The following CDH18 variants were observed in gnomAD, a reference collection of about 807,000 sequenced individuals.
CDH18 encodes cadherin 18.
A neutral mutation model predicts 67.9 loss-of-function variants in CDH18; 31 were observed. The ratio of observed to expected loss-of-function variants is 0.46; its 90% CI spans 0.34 to 0.62. The LOEUF is 0.62. CDH18 is among the 20% of genes least tolerant of loss of function. CDH18 has a pLI of 0.01. For missense variants in CDH18, 890 were observed against 975.5 expected (o/e 0.91, Z 1.17); for synonymous variants, 362 against 347.2 (o/e 1.04, Z -0.48).
chr5:20,168,750 C>A (rs941012262), intron 2 of CDH18, among the ~76,000 whole-genome samples: 1 of 152,058 alleles, frequency 6.6e-6, no homozygotes, highest in Non-Finnish European at 1.5e-5. Context: ...AAGTGTCCAT[C>A]AACAGATGAA....
At position 19,552,423 on chromosome 5, in the gene CDH18, C is replaced by A. The variant is rs774426801; in HGVS notation, c.1254-8418G>T. On this transcript the variant is annotated intron_variant, in intron 8 of 12. Transcript: ENST00000382275. The stretch of plus-strand genomic sequence containing the variant: ...TTTAAATCTAAGAAAAAAAGCAAAG[C>A]AACTACTTTGTGGTGTATCTTGTTA... Among the ~76,000 whole-genome samples, 54 of 152,076 alleles carry A rather than the reference C, an allele frequency of 3.6e-4. 1 individual carries two copies. Among genetic ancestry groups the A allele is most frequent in the South Asian group, 1.7e-3 (8 of 4,828 alleles).
intron 1 of CDH18, among the ~76,000 whole-genome samples, chr5:20,426,354 A>G (rs1422598313): frequency 6.6e-6 from 1 of 151,290 alleles, no homozygotes; most frequent in Non-Finnish European, 1.5e-5. Flanking sequence ...ATGAAAAACT[A>G]CTAGAGGATT....
intron 2 of CDH18, among the ~76,000 whole-genome samples, chr5:20,000,585 AAG>A (rs1240883846): frequency 1.3e-5 from 2 of 152,150 alleles, no homozygotes; most frequent in Non-Finnish European, 2.9e-5. Context: ...AGAGATAGCC[AAG>A]AGTCAGTTGG....
At chr5:19,917,406 A>G (rs1429423852) in intron 2 of CDH18, among the ~76,000 whole-genome samples, 1 of 141,030 alleles carries the variant, frequency 7.1e-6, no homozygotes, top group African/African-American at 2.8e-5. Flanking sequence ...ATGTTCTTTT[A>G]GAACAATGGT....
chr5:20,369,912 G>A (rs1011265366), intron 1 of CDH18, among the ~76,000 whole-genome samples: 19 of 151,968 alleles, frequency 1.3e-4, no homozygotes, highest in Non-Finnish European at 2.1e-4. Flanking sequence ...AGGGTGTGCA[G>A]GTTTGTTACA....
At chr5:19,478,133 T>C (rs1738798345) in intron 12 of CDH18, among the ~76,000 whole-genome samples, 1 of 152,148 alleles carries the variant, frequency 6.6e-6, no homozygotes, top group African/African-American at 2.4e-5. Flanking sequence ...AATATGTATT[T>C]TTTCCTATAT....
At chr5:20,003,337 T>A (rs1736602866) in intron 2 of CDH18, among the ~76,000 whole-genome samples, 1 of 152,046 alleles carries the variant, frequency 6.6e-6, no homozygotes, top group Non-Finnish European at 1.5e-5. Context: ...GTTGGAGGGT[T>A]GTGGGTAGAA....
intron 2 of CDH18, among the ~76,000 whole-genome samples, chr5:19,856,308 T>G (rs1212607987): frequency 6.6e-6 from 1 of 152,186 alleles, no homozygotes; most frequent in East Asian, 1.9e-4. Flanking sequence ...GTTTATAATG[T>G]ACTGCCCTAA....
At chr5:19,727,069 C>T (rs1028936930) in intron 4 of CDH18, among the ~76,000 whole-genome samples, 25 of 152,032 alleles carry the variant, frequency 1.6e-4, no homozygotes, top group African/African-American at 6.0e-4. Flanking sequence ...TTGTTTAAGC[C>T]ACCTAGACTA....
At chr5:20,220,635 A>G (rs1420179761) in intron 2 of CDH18, among the ~76,000 whole-genome samples, 1 of 152,030 alleles carries the variant, frequency 6.6e-6, no homozygotes, top group African/African-American at 2.4e-5. Flanking sequence ...GGAACACATC[A>G]AGTTAGGAAT....
intron 1 of CDH18, among the ~76,000 whole-genome samples, chr5:20,386,239 C>A (rs892732181): frequency 1.3e-5 from 2 of 152,076 alleles, no homozygotes; most frequent in African/African-American, 4.8e-5. Flanking sequence ...TCTTTTAATT[C>A]TTCTCAGCCA....
chr5:19,534,218 G>A (rs995492), intron 9 of CDH18, among the ~76,000 whole-genome samples: 1 of 151,770 alleles, frequency 6.6e-6, no homozygotes. Context: ...CTTTCATTTT[G>A]TTACAATAAT....
In CDH18 at chr5:20,356,325, G is replaced by A. The variant is rs569968072; in HGVS notation, c.-579-100820C>T. On this transcript the variant is annotated intron_variant, in intron 1 of 14. Coordinates refer to the CDH18 transcript ENST00000507958. Reference sequence around the variant, plus strand: ...TTGAATCCAGGAGACGGAGGTCGCAGTGAGCTGAGATCACGCAACTGCACT... The same window carrying A: ...TTGAATCCAGGAGACGGAGGTCGCAATGAGCTGAGATCACGCAACTGCACT... Among the ~76,000 whole-genome samples, 15 of 152,316 alleles carry A rather than the reference G, an allele frequency of 9.8e-5. No homozygotes were observed. In the South Asian group the frequency reaches 3.1e-3, roughly 32 times the overall value.
intron 5 of CDH18, among the ~76,000 whole-genome samples, chr5:19,696,134 A>C (rs17220789): frequency 0.011 from 1,644 of 152,264 alleles, 15 homozygotes; most frequent in Non-Finnish European, 0.016. Flanking sequence ...TGGCAAAGAT[A>C]TGCTATAGAG....
At chr5:19,540,527 C>G (rs565182627) in intron 9 of CDH18, among the ~76,000 whole-genome samples, 90 of 152,294 alleles carry the variant, frequency 5.9e-4, no homozygotes, top group African/African-American at 2.1e-3. Context: ...TCCATGAGGA[C>G]TCACCCCAGG....
At chr5:20,494,483 A>AT (rs1379384117) in intron 1 of CDH18, among the ~76,000 whole-genome samples, 22 of 152,084 alleles carry the variant, frequency 1.4e-4, no homozygotes, top group Non-Finnish European at 2.1e-4. Flanking sequence ...CAATATACAT[A>AT]TTTTTTCTTA....
intron 2 of CDH18, among the ~76,000 whole-genome samples, chr5:20,231,528 G>A (rs902780791): frequency 6.6e-6 from 1 of 151,962 alleles, no homozygotes; most frequent in Non-Finnish European, 1.5e-5. Context: ...GAACCCGGGA[G>A]GCGGAGGTTG....
At chr5:20,024,521 T>A (rs1284305999) in intron 2 of CDH18, among the ~76,000 whole-genome samples, 1 of 152,158 alleles carries the variant, frequency 6.6e-6, no homozygotes, top group Non-Finnish European at 1.5e-5. Context: ...CAGTTTGCCA[T>A]GTAACCACGG....
chr5:20,437,892 C>A (rs1749293032), intron 1 of CDH18, among the ~76,000 whole-genome samples: 1 of 151,040 alleles, frequency 6.6e-6, no homozygotes, highest in Non-Finnish European at 1.5e-5. Context: ...ATAAAATGTT[C>A]ACATTCTATT....
Sources: allele counts gnomAD v4.1 joint callset (sites outside exome capture counted in the v4.1 genomes callset), GRCh38; gene constraint gnomAD v4.1.1; transcripts MANE v1.5; gene names NCBI Gene and HGNC (gene_info 2026-07-23, HGNC 2026-07-21).